Variants in CLEC16A observed in about 807,000 individuals in gnomAD.
CLEC16A encodes protein CLEC16A.
Under a neutral mutation model 109.5 loss-of-function variants are expected in CLEC16A, and 51 were observed. That is an observed-to-expected ratio of 0.47 (90% confidence interval 0.37 to 0.59). The LOEUF is 0.59. Among genes scored for constraint, CLEC16A ranks in the 20% least tolerant of loss-of-function variants. The pLI is 0.00. For missense variants in CLEC16A, 1,339 were observed against 1,394.0 expected, an observed-to-expected ratio of 0.96 and a Z score of 0.63; for synonymous variants, 673 against 564.2, an observed-to-expected ratio of 1.19 and a Z score of -2.73.
At chr16:11,089,138 A>G (rs1289228249) in intron 19 of CLEC16A, among the ~76,000 whole-genome samples, 1 of 152,168 alleles carries the variant, frequency 6.6e-6, no homozygotes, top group Non-Finnish European at 1.5e-5. Flanking sequence ...CTTGTTCACC[A>G]CGGTCACTCC....
intron 23 of CLEC16A, 56 bp downstream of exon 23, chr16:11,166,608 C>G: frequency 6.8e-7 from 1 of 1,479,892 alleles, no homozygotes; most frequent in Non-Finnish European, 9.0e-7. Context: ...CGTGATCCCT[C>G]ACCATTACCA....
intron 22 of CLEC16A, among the ~76,000 whole-genome samples, chr16:11,133,523 T>G (rs1383457548): frequency 1.3e-5 from 2 of 151,902 alleles, no homozygotes; most frequent in Non-Finnish European, 2.9e-5. Context: ...CTGAGTAACT[T>G]AGGAAGAATG....
At chr16:10,980,582 C>T (rs972524884) in intron 9 of CLEC16A, among the ~76,000 whole-genome samples, 9 of 152,072 alleles carry the variant, frequency 5.9e-5, no homozygotes, top group Non-Finnish European at 1.2e-4. Context: ...ACAGCGGGAA[C>T]GTCAGTGGAG....
At chr16:11,053,693 T>A (rs1489682929) in intron 18 of CLEC16A, among the ~76,000 whole-genome samples, 1 of 152,096 alleles carries the variant, frequency 6.6e-6, no homozygotes, top group Non-Finnish European at 1.5e-5. Flanking sequence ...AATTGATGCA[T>A]GGAGAGGTCT....
At chr16:11,163,528 A>G (rs2054799074) in intron 22 of CLEC16A, among the ~76,000 whole-genome samples, 1 of 152,264 alleles carries the variant, frequency 6.6e-6, no homozygotes. Context: ...TGCAGATTTT[A>G]CTGCCAATCT....
chr16:11,121,127 T>G (rs886661124), intron 20 of CLEC16A, among the ~76,000 whole-genome samples: 4 of 152,220 alleles, frequency 2.6e-5, no homozygotes, highest in Non-Finnish European at 4.4e-5. Flanking sequence ...TATGTGTGTG[T>G]TTTTTATGAT....
chr16:11,083,756 C>T (rs2049861863), intron 19 of CLEC16A, among the ~76,000 whole-genome samples: 1 of 152,254 alleles, frequency 6.6e-6, no homozygotes, highest in African/African-American at 2.4e-5. Flanking sequence ...GGGGCAAGCC[C>T]TCCACTTCCA....
rs773181589 is a variant in CLEC16A, at chr16:10,982,921, C to T, written c.1001C>T (p.Ala334Val). ...IHHAPLVNSL[A>V]EVILNGDLSE... Reference sequence around the variant, plus strand: ...CATGCACCGCTGGTGAACTCGTTAGCTGAAGTCATTCTGAATGGTGATCTG... The same window carrying T: ...CATGCACCGCTGGTGAACTCGTTAGTTGAAGTCATTCTGAATGGTGATCTG... Residue 334 changes from alanine to valine, a missense_variant, in exon 10 of 24, where the codon GCT becomes GTT. Around this residue, in one of 3 missense-constraint regions of CLEC16A, gnomAD observed 1,061 missense variants for 1,006.8 expected, o/e 1.05. Transcript: ENST00000409790. 1 of 1,613,082 alleles carries T rather than the reference C, an allele frequency of 6.2e-7. No homozygotes were observed. Among genetic ancestry groups the T allele is most frequent in the Admixed American group, 1.7e-5 (1 of 60,024 alleles).
intron 22 of CLEC16A, among the ~76,000 whole-genome samples, chr16:11,126,974 C>G (rs1003702170): frequency 1.3e-5 from 2 of 152,176 alleles, no homozygotes; most frequent in African/African-American, 2.4e-5. Context: ...AAACCCGAGT[C>G]CTGGTTCCCC....
At chr16:11,097,584 A>C (rs1160545454) in intron 19 of CLEC16A, among the ~76,000 whole-genome samples, 3 of 151,622 alleles carry the variant, frequency 2.0e-5, no homozygotes, top group African/African-American at 7.3e-5. Flanking sequence ...GTTCTAATTA[A>C]CTCCCGGGGA....
intron 18 of CLEC16A, among the ~76,000 whole-genome samples, chr16:11,055,603 T>TTTTTTTTTTTTTTG: frequency 7.1e-6 from 1 of 140,002 alleles, no homozygotes; most frequent in African/African-American, 2.8e-5. Flanking sequence ...TTTTTTTTTT[T>TTTTTTTTTTTTTTG]TTTGAGACGA....
chr16:11,128,956 C>G lies in CLEC16A; in HGVS notation c.2641+2810C>G, dbSNP rs192323461. Among the ~76,000 whole-genome samples, 13 of 152,316 alleles carry G rather than the reference C, an allele frequency of 8.5e-5. No individual in the cohort carries two copies. In the East Asian group the frequency reaches 2.3e-3, roughly 27 times the overall value. ...GATTACGTCATACCCCTGCCTCCAGCTTTTTGGTAGTTTCCTGTTGCACTT... is the reference window on the plus strand; with the variant it reads ...GATTACGTCATACCCCTGCCTCCAGGTTTTTGGTAGTTTCCTGTTGCACTT... On this transcript the variant is annotated intron_variant, in intron 22 of 23. Transcript: ENST00000409790.
chr16:11,164,326 G>A (rs926786322), intron 22 of CLEC16A, among the ~76,000 whole-genome samples: 16 of 152,322 alleles, frequency 1.1e-4, no homozygotes, highest in Non-Finnish European at 2.4e-4. Context: ...CCAACTGGGG[G>A]TATAAATAGG....
rs1374559699 is a variant in CLEC16A, at chr16:10,954,820, T to A, written c.81-2962T>A. On this transcript the variant is annotated intron_variant, in intron 1 of 23. Coordinates refer to ENST00000409790, the MANE Select transcript of CLEC16A (RefSeq NM_015226.3). The surrounding 1 kb of genome is among the most constrained non-coding windows in gnomAD (Gnocchi z 4.2). Reference sequence around the variant, plus strand: ...ACGACTCCTGCCCTGAAGCCCTCTTTCCCTGTTTGAATCTAGCCTGATCTC... The same window carrying A: ...ACGACTCCTGCCCTGAAGCCCTCTTACCCTGTTTGAATCTAGCCTGATCTC... Among the ~76,000 whole-genome samples, 1 of 152,200 alleles carries A rather than the reference T, an allele frequency of 6.6e-6. No individual in the cohort carries two copies. Among genetic ancestry groups the A allele is most frequent in the African/African-American group, 2.4e-5 (1 of 41,442 alleles).
At chr16:11,107,490 A>G (rs1299695869) in intron 19 of CLEC16A, among the ~76,000 whole-genome samples, 1 of 152,230 alleles carries the variant, frequency 6.6e-6, no homozygotes, top group African/African-American at 2.4e-5. Context: ...CAAAGGATTG[A>G]TTTGACTGTC....
At chr16:10,995,252 T>C (rs2044258822) in intron 10 of CLEC16A, among the ~76,000 whole-genome samples, 1 of 152,236 alleles carries the variant, frequency 6.6e-6, no homozygotes, top group Admixed American at 6.5e-5. Context: ...TTGATGGCTG[T>C]GGCAACTGAG....
At chr16:10,987,777 C>G (rs1225801101) in intron 10 of CLEC16A, among the ~76,000 whole-genome samples, 3 of 152,190 alleles carry the variant, frequency 2.0e-5, no homozygotes, top group African/African-American at 7.2e-5. Context: ...CTGCCCAACT[C>G]GGATGTGGTT....
Position 11,039,812 on chromosome 16 carries a change from G to A in CLEC16A, c.1596G>A (p.Lys532=). The part of the protein sequence containing the change: ...IQLPVPNAAE[K]TTYNHPLAER... ...TCCCCGTGCCAAATGCGGCCGAGAA[G>A]ACCACCTACAACCACCCGCTAGCTG... is the stretch of plus-strand genomic sequence containing the variant. The change falls in exon 14 of 24, where the codon AAG becomes AAA. Residue 532 remains lysine (K), a synonymous_variant. Coordinates refer to ENST00000409790, the MANE Select transcript of CLEC16A (RefSeq NM_015226.3). 2 of 1,611,532 alleles carry A rather than the reference G, an allele frequency of 1.2e-6. No individual in the cohort carries two copies. Among genetic ancestry groups the A allele is most frequent in the Non-Finnish European group, 1.7e-6 (2 of 1,178,946 alleles).
intron 19 of CLEC16A, among the ~76,000 whole-genome samples, chr16:11,061,234 C>T (rs543703758): frequency 6.6e-6 from 1 of 152,318 alleles, no homozygotes; most frequent in African/African-American, 2.4e-5. Flanking sequence ...GAGGGTTCTG[C>T]TTTCACACAG....
Sources: gnomAD v4.1 joint callset for allele counts (sites outside exome capture counted in the v4.1 genomes callset) on GRCh38, gnomAD v4.1.1 for gene constraint, gnomAD v4.1.1 regional missense constraint, Gnocchi (gnomAD v3.1) non-coding constraint, MANE v1.5 for transcripts, NCBI Gene and HGNC (gene_info 2026-07-23, HGNC 2026-07-21) for gene names.